The following FTO variants were observed in gnomAD, a reference collection of about 807,000 sequenced individuals.
FTO encodes alpha-ketoglutarate-dependent dioxygenase FTO.
FTO carries 47 observed loss-of-function variants against 63.9 expected under a neutral mutation model. That is an observed-to-expected ratio of 0.74 (90% CI 0.58 to 0.94). FTO has a LOEUF of 0.94. Among genes scored for constraint, FTO ranks in the 40% least tolerant of loss-of-function variants. The pLI is 0.00. For synonymous variants in FTO, 207 were observed against 224.4 expected (o/e 0.92, Z 0.69); for missense variants, 562 against 618.1 (o/e 0.91, Z 0.96).
chr16:54,012,803 T>G (rs1377627710), intron 8 of FTO, among the ~76,000 whole-genome samples: 1 of 152,022 alleles, frequency 6.6e-6, no homozygotes, highest in Non-Finnish European at 1.5e-5. Flanking sequence ...CTGAATATTT[T>G]AAGCCCATTG....
chr16:53,996,837 G>A (rs1966434), intron 8 of FTO, among the ~76,000 whole-genome samples: 76,363 of 151,858 alleles, frequency 0.5, 20,605 homozygotes, highest in African/African-American at 0.7. Flanking sequence ...GGCCGGGCAC[G>A]GGGGCTCACA....
intron 1 of FTO, among the ~76,000 whole-genome samples, chr16:53,719,385 C>T (rs181481633): frequency 2.2e-4 from 34 of 152,016 alleles, no homozygotes; most frequent in African/African-American, 8.0e-4. Flanking sequence ...GCGTGCACCA[C>T]CATGCCTGGC....
chr16:53,823,975 G>A (rs965052528), intron 2 of FTO, among the ~76,000 whole-genome samples: 1 of 152,130 alleles, frequency 6.6e-6, no homozygotes, highest in Non-Finnish European at 1.5e-5. Flanking sequence ...TACCTACAAC[G>A]TATGTATTTC....
At chr16:54,024,936 A>G (rs549407968) in intron 8 of FTO, among the ~76,000 whole-genome samples, 54 of 152,344 alleles carry the variant, frequency 3.5e-4, no homozygotes, top group African/African-American at 1.2e-3. Context: ...TAACTTCTGT[A>G]TTTAATGAAA....
chr16:53,739,993 C>T (rs1334861487), intron 1 of FTO, among the ~76,000 whole-genome samples: 3 of 152,176 alleles, frequency 2.0e-5, no homozygotes, highest in African/African-American at 7.2e-5. Flanking sequence ...CTGGAAGTCA[C>T]TTGTTTTAAA....
intron 1 of FTO, among the ~76,000 whole-genome samples, chr16:53,719,267 T>C (rs75279098): frequency 0.011 from 279 of 26,222 alleles, 1 homozygote; most frequent in Non-Finnish European, 0.024. Flanking sequence ...TTTTTTTTTT[T>C]TTTTTTTTGA....
intron 3 of FTO, among the ~76,000 whole-genome samples, chr16:53,838,840 A>G (rs960449499): frequency 6.6e-6 from 1 of 152,110 alleles, no homozygotes; most frequent in African/African-American, 2.4e-5. Context: ...CTCTAGTCTC[A>G]AAAAGAAAGA....
chr16:53,789,781 CAT>C (rs1285554504), intron 1 of FTO, among the ~76,000 whole-genome samples: 3 of 149,676 alleles, frequency 2.0e-5, no homozygotes, highest in Admixed American at 6.7e-5. Flanking sequence ...CACACACACA[CAT>C]ATATGTATGT....
intron 1 of FTO, among the ~76,000 whole-genome samples, chr16:53,748,849 C>T (rs1160074943): frequency 1.3e-5 from 2 of 152,118 alleles, no homozygotes; most frequent in Non-Finnish European, 2.9e-5. Context: ...CTGCAACCTC[C>T]GTCTCCTGAG....
chr16:53,901,699 T>G (rs926361110), intron 7 of FTO, among the ~76,000 whole-genome samples: 1 of 152,174 alleles, frequency 6.6e-6, no homozygotes, highest in Non-Finnish European at 1.5e-5. Flanking sequence ...ATGGCCGTTG[T>G]TCACTCTGGT....
At chr16:53,939,380 T>C (rs1011362471) in intron 8 of FTO, among the ~76,000 whole-genome samples, 1 of 152,056 alleles carries the variant, frequency 6.6e-6, no homozygotes, top group Non-Finnish European at 1.5e-5. Context: ...GAGGTGTAAA[T>C]ACAAAAAGCA....
At chr16:53,938,127 C>T (rs1393458954) in intron 8 of FTO, among the ~76,000 whole-genome samples, 1 of 152,194 alleles carries the variant, frequency 6.6e-6, no homozygotes, top group African/African-American at 2.4e-5. Context: ...AAAGTGTGTC[C>T]ATGTCAGCAT....
intron 8 of FTO, among the ~76,000 whole-genome samples, chr16:54,098,348 C>A (rs2086560088): frequency 6.6e-6 from 1 of 152,196 alleles, no homozygotes; most frequent in Non-Finnish European, 1.5e-5. Flanking sequence ...GACCCAGGAA[C>A]CTCATGTTCC....
chr16:53,827,874 G>A (rs2079050538), intron 3 of FTO, among the ~76,000 whole-genome samples: 1 of 152,186 alleles, frequency 6.6e-6, no homozygotes, highest in Admixed American at 6.5e-5. Context: ...GAACAATGGA[G>A]TTAGTTTCTT....
chr16:54,050,013 T>C (rs1264876956), intron 8 of FTO, among the ~76,000 whole-genome samples: 1 of 152,196 alleles, frequency 6.6e-6, no homozygotes, highest in East Asian at 1.9e-4. Flanking sequence ...CCCTTTTCAC[T>C]TGACTTTTCT....
chr16:54,059,145 G>A (rs753067070), intron 8 of FTO, among the ~76,000 whole-genome samples: 2 of 152,224 alleles, frequency 1.3e-5, no homozygotes, highest in African/African-American at 2.4e-5. Context: ...TGGGCCCCTC[G>A]ATTGCCCTGG....
intron 1 of FTO, among the ~76,000 whole-genome samples, chr16:53,707,044 G>A (rs948178045): frequency 2.0e-5 from 3 of 152,250 alleles, no homozygotes; most frequent in African/African-American, 2.4e-5. Context: ...CCAGTTTTCC[G>A]AAGTGATTTG....
chr16:53,714,521 C>G (rs1204647167), intron 1 of FTO, among the ~76,000 whole-genome samples: 1 of 151,960 alleles, frequency 6.6e-6, no homozygotes, highest in Non-Finnish European at 1.5e-5. Flanking sequence ...TCTGTCAGCA[C>G]AACAGCATTT....
intron 8 of FTO, among the ~76,000 whole-genome samples, chr16:54,093,743 G>A (rs914273602): frequency 1.3e-5 from 2 of 152,114 alleles, no homozygotes; most frequent in African/African-American, 4.8e-5. Context: ...CCGCAGTGAG[G>A]GCCTAAGGGT....
Sources: allele counts gnomAD v4.1 joint callset (sites outside exome capture counted in the v4.1 genomes callset), GRCh38; gene constraint gnomAD v4.1.1; transcripts MANE v1.5; gene names NCBI Gene and HGNC (gene_info 2026-07-23, HGNC 2026-07-21).